Variants in AMBRA1 observed in about 807,000 individuals in gnomAD.
AMBRA1 encodes activating molecule in BECN1-regulated autophagy protein 1.
In AMBRA1, 47 loss-of-function variants were observed where a neutral mutation model predicts 125.4. That is an observed-to-expected ratio of 0.37 (90% CI 0.30 to 0.48). AMBRA1 has a LOEUF of 0.48. Among genes scored for constraint, AMBRA1 ranks in the 20% least tolerant of loss-of-function variants. AMBRA1 has a pLI of 0.99. For synonymous variants in AMBRA1, 626 were observed against 655.5 expected (o/e 0.95, Z 0.69); for missense variants, 1,331 against 1,693.4 (o/e 0.79, Z 3.76).
intron 9 of AMBRA1, chr11:46,504,363 A>G (rs1489848429): frequency 6.6e-6 from 1 of 152,200 alleles, no homozygotes; most frequent in Non-Finnish European, 1.5e-5. Flanking sequence ...CCCTCTTTCC[A>G]AAGGGATGGC....
chr11:46,458,977 T>C (rs1436260188), intron 11 of AMBRA1, among the ~76,000 whole-genome samples: 2 of 152,206 alleles, frequency 1.3e-5, no homozygotes, highest in African/African-American at 2.4e-5. Flanking sequence ...GTATGGCATA[T>C]ACATCCAGGA....
intron 9 of AMBRA1, among the ~76,000 whole-genome samples, chr11:46,503,434 A>C (rs147340609): frequency 2.0e-5 from 3 of 152,192 alleles, no homozygotes; most frequent in Admixed American, 2.0e-4. Context: ...AACAATTACA[A>C]TTGATCACAG....
intron 11 of AMBRA1, among the ~76,000 whole-genome samples, chr11:46,478,556 C>G (rs1949917263): frequency 6.6e-6 from 1 of 151,434 alleles, no homozygotes; most frequent in African/African-American, 2.4e-5. Flanking sequence ...CAGGGTCCAG[C>G]TTTTTATTTG....
intron 14 of AMBRA1, among the ~76,000 whole-genome samples, chr11:46,424,091 TA>T (rs1379965797): frequency 6.6e-6 from 1 of 152,142 alleles, no homozygotes; most frequent in Non-Finnish European, 1.5e-5. Flanking sequence ...AGTGATTATT[TA>T]AAAACCCAAA....
intron 11 of AMBRA1, among the ~76,000 whole-genome samples, chr11:46,445,666 A>G (rs1948249322): frequency 6.6e-6 from 1 of 152,200 alleles, no homozygotes; most frequent in African/African-American, 2.4e-5. Context: ...ATCCAGGCTC[A>G]GTTCCACTGA....
At chr11:46,466,688 C>A (rs540521682) in intron 11 of AMBRA1, among the ~76,000 whole-genome samples, 1 of 152,228 alleles carries the variant, frequency 6.6e-6, no homozygotes, top group African/African-American at 2.4e-5. Context: ...AAGTAAATTA[C>A]ACAGTGGATA....
At chr11:46,592,286 T>A (rs1453507378) in intron 1 of AMBRA1, among the ~76,000 whole-genome samples, 3 of 151,976 alleles carry the variant, frequency 2.0e-5, no homozygotes, top group Non-Finnish European at 4.4e-5. Flanking sequence ...AGGATCATGG[T>A]ACTGAATCCG....
At chr11:46,502,922 G>T (rs10838602) in intron 9 of AMBRA1, among the ~76,000 whole-genome samples, 1 of 151,580 alleles carries the variant, frequency 6.6e-6, no homozygotes, top group African/African-American at 2.4e-5. Flanking sequence ...TTAGCTGGGC[G>T]TGGTGGCAGG....
intron 11 of AMBRA1, among the ~76,000 whole-genome samples, chr11:46,478,766 T>A (rs1949933642): frequency 6.9e-6 from 1 of 145,192 alleles, no homozygotes; most frequent in African/African-American, 2.5e-5. Context: ...GCGATTCTCC[T>A]GCCTCAGCCT....
intron 13 of AMBRA1, 114 bp downstream of exon 13, chr11:46,434,735 A>T: frequency 9.1e-7 from 1 of 1,098,622 alleles, no homozygotes; most frequent in South Asian, 1.8e-5. Context: ...TGCCCCAGTG[A>T]AGGTAGGGGC....
intron 11 of AMBRA1, among the ~76,000 whole-genome samples, chr11:46,460,475 C>T (rs1430717303): frequency 1.3e-5 from 2 of 152,120 alleles, no homozygotes; most frequent in African/African-American, 4.8e-5. Flanking sequence ...GTGCCCGCCA[C>T]CATGCCCGGC....
At chr11:46,461,115 C>T (rs772923950) in intron 11 of AMBRA1, among the ~76,000 whole-genome samples, 8 of 152,106 alleles carry the variant, frequency 5.3e-5, no homozygotes, top group Non-Finnish European at 8.8e-5. Context: ...CGATGGTACA[C>T]GCCTATAGTC....
At chr11:46,473,508 C>G (rs181238175) in intron 11 of AMBRA1, among the ~76,000 whole-genome samples, 2 of 152,274 alleles carry the variant, frequency 1.3e-5, no homozygotes, top group African/African-American at 4.8e-5. Flanking sequence ...GTTAATTCTT[C>G]CTGTTACTTG....
chr11:46,497,797 G>A (rs771861719), intron 9 of AMBRA1, among the ~76,000 whole-genome samples: 1 of 152,270 alleles, frequency 6.6e-6, no homozygotes, highest in African/African-American at 2.4e-5. Context: ...CAAAGGCACA[G>A]TTCCAAATAA....
intron 11 of AMBRA1, among the ~76,000 whole-genome samples, chr11:46,484,969 C>T (rs1210578710): frequency 6.7e-6 from 1 of 150,370 alleles, no homozygotes; most frequent in Non-Finnish European, 1.5e-5. Context: ...CAAAATCTCA[C>T]TCTTGTCCCC....
chr11:46,569,756 G>T (rs2043688511), intron 1 of AMBRA1, among the ~76,000 whole-genome samples: 1 of 149,872 alleles, frequency 6.7e-6, no homozygotes, highest in East Asian at 2.0e-4. Context: ...GTTGAGAAAT[G>T]ACCAGCCAAC....
intron 9 of AMBRA1, among the ~76,000 whole-genome samples, chr11:46,502,141 A>G (rs1389693870): frequency 2.6e-5 from 4 of 152,236 alleles, no homozygotes; most frequent in African/African-American, 9.6e-5. Context: ...GAGCAGTGGC[A>G]TAATCTCGGC....
chr11:46,570,613 G>A lies in AMBRA1; in HGVS notation c.-120-22113C>T, dbSNP rs78916919. On this transcript the variant is annotated intron_variant, in intron 1 of 17. Coordinates refer to ENST00000683756, the MANE Select transcript of AMBRA1 (RefSeq NM_001387011.1). ...TTTACAGACAAAACCCTAGCTCAAC[G>A]TGATGTTACTTGCCCCCCCATTGAA... Among the ~76,000 whole-genome samples, 58 of 152,136 alleles carry A rather than the reference G, an allele frequency of 3.8e-4. No individual in the cohort carries two copies. In the East Asian group the frequency reaches 9.4e-3, roughly 25 times the overall value.
intron 14 of AMBRA1, chr11:46,429,121 G>A (rs556631808): frequency 6.2e-7 from 1 of 1,602,074 alleles, no homozygotes; most frequent in African/African-American, 1.3e-5. Flanking sequence ...GTTCATAAAT[G>A]GCAATCCGGT....
Sources: allele counts gnomAD v4.1 joint callset (sites outside exome capture counted in the v4.1 genomes callset), GRCh38; gene constraint gnomAD v4.1.1; transcripts MANE v1.5; gene names NCBI Gene and HGNC (gene_info 2026-07-23, HGNC 2026-07-21).